DCDC2C: variants seen among roughly 807,000 people sequenced by gnomAD.
DCDC2C encodes the protein doublecortin domain-containing protein 2C.
A neutral mutation model predicts 45.0 loss-of-function variants in DCDC2C; 44 were observed. The observed-to-expected ratio is 0.98, with a 90% CI of 0.77 to 1.26. The LOEUF is 1.26. Among genes scored for constraint, DCDC2C ranks in the 50% most tolerant of loss-of-function variants. The pLI, the probability that DCDC2C is intolerant of heterozygous loss-of-function variation, is 0.00. For missense variants in DCDC2C, 447 were observed against 468.9 expected (o/e 0.95, Z 0.43); for synonymous variants, 187 against 178.8 (o/e 1.05, Z -0.37).
At chr2:3,831,489 C>T (rs11685010) in intron 10 of DCDC2C, among the ~76,000 whole-genome samples, 38,783 of 152,170 alleles carry the variant, frequency 0.25, 5,450 homozygotes, top group South Asian at 0.35. Context: ...TGCATCTGAA[C>T]ATATCTAATC....
chr2:3,769,553 C>A (rs927326478), intron 8 of DCDC2C, 142 bp downstream of exon 8: 6 of 726,902 alleles, frequency 8.3e-6, no homozygotes, highest in Non-Finnish European at 1.4e-5. Context: ...TTAGAGACTG[C>A]TCATCTCAGA....
At chr2:3,720,367 C>T (rs1369852638) in intron 2 of DCDC2C, among the ~76,000 whole-genome samples, 1 of 148,968 alleles carries the variant, frequency 6.7e-6, no homozygotes, top group Admixed American at 6.6e-5. Context: ...TCACTAAAGC[C>T]TGCACTCTCC....
At chr2:3,753,933 A>G (rs772209191) in intron 5 of DCDC2C, among the ~76,000 whole-genome samples, 1 of 152,088 alleles carries the variant, frequency 6.6e-6, no homozygotes, top group Non-Finnish European at 1.5e-5. Flanking sequence ...TCTTGATTTT[A>G]TTGACTTAAT....
At chr2:3,831,085 T>G (rs1035523245) in intron 10 of DCDC2C, among the ~76,000 whole-genome samples, 1 of 152,154 alleles carries the variant, frequency 6.6e-6, no homozygotes, top group African/African-American at 2.4e-5. Context: ...ATCGTGTGCT[T>G]TGGACATATG....
At chr2:3,781,169 A>ATT (rs1455122168) in intron 9 of DCDC2C, among the ~76,000 whole-genome samples, 1 of 152,230 alleles carries the variant, frequency 6.6e-6, no homozygotes, top group African/African-American at 2.4e-5. Context: ...TTTTATATGC[A>ATT]TTATACTAGC....
At chr2:3,728,409 G>A (rs1402022658) in intron 3 of DCDC2C, among the ~76,000 whole-genome samples, 2 of 152,208 alleles carry the variant, frequency 1.3e-5, no homozygotes, top group Non-Finnish European at 2.9e-5. Context: ...TGTTAGTGAT[G>A]TCTTTCCCGC....
chr2:3,717,120 T>C (rs1349683008), intron 2 of DCDC2C, among the ~76,000 whole-genome samples: 2 of 152,166 alleles, frequency 1.3e-5, no homozygotes, highest in Non-Finnish European at 2.9e-5. Flanking sequence ...TTTTGAACAC[T>C]GCTGTTTTGT....
chr2:3,704,167 G>C (rs1667966089), intron 1 of DCDC2C, 129 bp downstream of exon 1: 1 of 939,262 alleles, frequency 1.1e-6, no homozygotes, highest in Admixed American at 4.3e-5. Context: ...CCATCTTTCG[G>C]CGTGGATCCA....
chr2:3,742,115 T>C, intron 4 of DCDC2C, 67 bp downstream of exon 4: 1 of 1,447,058 alleles, frequency 6.9e-7, no homozygotes, highest in Non-Finnish European at 9.1e-7. Flanking sequence ...TCTATGAGAG[T>C]TTTCTGCCTG....
At chr2:3,836,787 G>A (rs1250385461) in intron 10 of DCDC2C, among the ~76,000 whole-genome samples, 1 of 151,746 alleles carries the variant, frequency 6.6e-6, no homozygotes, top group Non-Finnish European at 1.5e-5. Context: ...ACGTGAACCC[G>A]GGAGGCGGAG....
At chr2:3,724,301 G>A (rs1029795320) in intron 2 of DCDC2C, among the ~76,000 whole-genome samples, 1 of 152,070 alleles carries the variant, frequency 6.6e-6, no homozygotes, top group East Asian at 1.9e-4. Context: ...GCTGCCTCTC[G>A]TGCAGCTCTC....
At chr2:3,749,670 G>A (rs1033424030) in intron 4 of DCDC2C, among the ~76,000 whole-genome samples, 4 of 152,192 alleles carry the variant, frequency 2.6e-5, no homozygotes, top group African/African-American at 9.7e-5. Flanking sequence ...GCGTGTGGGC[G>A]GCCAAGGTGT....
At chr2:3,838,520 G>A (rs1343659474) in intron 10 of DCDC2C, among the ~76,000 whole-genome samples, 1 of 151,926 alleles carries the variant, frequency 6.6e-6, no homozygotes. Flanking sequence ...AAGAGTAGGA[G>A]GTGTGGCCTG....
At chr2:3,777,502 T>A (rs550802398) in intron 8 of DCDC2C, among the ~76,000 whole-genome samples, 32 of 152,340 alleles carry the variant, frequency 2.1e-4, no homozygotes, top group Middle Eastern at 3.4e-3. Context: ...GTGATTGATA[T>A]CACATCGACT....
At chr2:3,751,480 G>A (rs1669540496) in intron 4 of DCDC2C, among the ~76,000 whole-genome samples, 1 of 152,214 alleles carries the variant, frequency 6.6e-6, no homozygotes, top group Non-Finnish European at 1.5e-5. Flanking sequence ...GTCGGTCTCA[G>A]GCAGCAGCTC....
chr2:3,704,306 A>G (rs1363526345), intron 1 of DCDC2C, among the ~76,000 whole-genome samples: 3 of 149,978 alleles, frequency 2.0e-5, no homozygotes, highest in African/African-American at 7.4e-5. Context: ...GGACCGCCCC[A>G]GAGACGGCCA....
intron 10 of DCDC2C, among the ~76,000 whole-genome samples, chr2:3,836,861 C>CA (rs58586640): frequency 0.81 from 110,282 of 136,432 alleles, 44,393 homozygotes; most frequent in South Asian, 0.9. Context: ...GACTCCGTCT[C>CA]AAAAAAAAAA....
At chr2:3,803,300 T>C (rs1671155525) in intron 10 of DCDC2C, among the ~76,000 whole-genome samples, 1 of 152,192 alleles carries the variant, frequency 6.6e-6, no homozygotes, top group Admixed American at 6.5e-5. Flanking sequence ...TGTCCATCTG[T>C]TGGACTCAAA....
intron 2 of DCDC2C, among the ~76,000 whole-genome samples, chr2:3,710,717 A>G (rs1668184254): frequency 6.6e-6 from 1 of 152,208 alleles, no homozygotes. Flanking sequence ...TCCCACTTAC[A>G]GGTGAGAACA....
Sources: allele counts gnomAD v4.1 joint callset (sites outside exome capture counted in the v4.1 genomes callset), GRCh38; gene constraint gnomAD v4.1.1; transcripts MANE v1.5; gene names NCBI Gene and HGNC (gene_info 2026-07-23, HGNC 2026-07-21).